Variants in RAB11FIP3 observed in about 807,000 individuals in gnomAD.
The protein encoded by RAB11FIP3 is rab11 family-interacting protein 3.
RAB11FIP3 carries 17 observed loss-of-function variants against 77.8 expected under a neutral mutation model. That is an observed-to-expected ratio of 0.22 (90% confidence interval 0.15 to 0.33). RAB11FIP3 has a LOEUF of 0.33. Among genes scored for constraint, RAB11FIP3 ranks in the 10% least tolerant of loss-of-function variants. The pLI is 1.00. For missense variants in RAB11FIP3, 1,005 were observed against 1,011.2 expected, an observed-to-expected ratio of 0.99 and a Z score of 0.08; for synonymous variants, 437 against 448.2, an observed-to-expected ratio of 0.98 and a Z score of 0.31.
chr16:443,122 G>A (rs1157621884), intron 1 of RAB11FIP3, among the ~76,000 whole-genome samples: 1 of 152,080 alleles, frequency 6.6e-6, no homozygotes, highest in Non-Finnish European at 1.5e-5. Context: ...CCAGCCCTGT[G>A]ATGCATTTTA....
chr16:492,286 C>T (rs968648463), intron 5 of RAB11FIP3, among the ~76,000 whole-genome samples: 3 of 149,926 alleles, frequency 2.0e-5, no homozygotes, highest in African/African-American at 5.0e-5. Context: ...TGGGGCCCGG[C>T]ACTGATGGCC....
Position 519,010 on chromosome 16 carries a change from G to C in RAB11FIP3, c.1708G>C (p.Glu570Gln). 1.2e-6 allele frequency: 2 copies of C among 1,613,410 alleles called. No individual in the cohort carries two copies. The highest frequency in any genetic ancestry group is 1.7e-6 in the Non-Finnish European group (2 of 1,180,012). ...CACGCCCTGTCTGAAGGCCAACATT[G>C]AGCGTCTGGAGGAGGTGAGCTGCCA... ...SCTPCLKANI[E>Q]RLEEEKQKLL... The change falls in exon 10 of 14, where the codon GAG (glutamate) becomes CAG (glutamine). Residue 570 changes from glutamate (E) to glutamine (Q), a missense_variant. Coordinates refer to ENST00000262305, the MANE Select transcript of RAB11FIP3 (RefSeq NM_014700.4).
chr16:475,917 T>G (rs1175862795), intron 3 of RAB11FIP3, among the ~76,000 whole-genome samples: 4 of 152,102 alleles, frequency 2.6e-5, no homozygotes, highest in African/African-American at 9.7e-5. Context: ...AGTGCAGTGG[T>G]GCGATCTTGG....
At chr16:444,844 G>A (rs185262661) in intron 1 of RAB11FIP3, among the ~76,000 whole-genome samples, 33 of 151,184 alleles carry the variant, frequency 2.2e-4, no homozygotes, top group African/African-American at 7.8e-4. Flanking sequence ...GCCTGGTGCG[G>A]TGGCTCACGC....
Position 484,908 on chromosome 16 carries a change from C to T in RAB11FIP3, c.1115+2172C>T, listed in dbSNP as rs966295316. Among the ~76,000 whole-genome samples the T allele has an allele frequency of 5.9e-5, 9 of 152,106 alleles. No individual in the cohort carries two copies. The East Asian group carries it at 1.2e-3, about 20-fold the overall frequency. On this transcript the variant is annotated intron_variant, in intron 4 of 13. Transcript: ENST00000262305. ...CAGGGGCTGCAGGGTCACCAGCCTC[C>T]GGCATCTGTGGCTCCTGGGCTCCCT...
At chr16:439,212 A>C (rs114192489) in intron 1 of RAB11FIP3, 10 of 152,242 alleles carry the variant, frequency 6.6e-5, no homozygotes, top group Admixed American at 6.6e-4. Context: ...ATTAGGGAGG[A>C]AAATAAATTC....
At chr16:492,364 C>T (rs1567391789) in intron 5 of RAB11FIP3, among the ~76,000 whole-genome samples, 1 of 145,342 alleles carries the variant, frequency 6.9e-6, no homozygotes, top group African/African-American at 2.5e-5. Context: ...AGAGGGTCTT[C>T]CCGGGAGACC....
chr16:484,077 T>C (rs1487768720), intron 4 of RAB11FIP3, among the ~76,000 whole-genome samples: 1 of 152,158 alleles, frequency 6.6e-6, no homozygotes, highest in Non-Finnish European at 1.5e-5. Context: ...AATAAACCTC[T>C]TCAAATATTT....
chr16:508,729 T>C (rs2031991845), intron 8 of RAB11FIP3, among the ~76,000 whole-genome samples: 1 of 152,212 alleles, frequency 6.6e-6, no homozygotes, highest in Non-Finnish European at 1.5e-5. Flanking sequence ...GGAAGACTTC[T>C]GAAGTTATTT....
chr16:462,207 A>G (rs2055618976), intron 2 of RAB11FIP3, among the ~76,000 whole-genome samples: 5 of 151,954 alleles, frequency 3.3e-5, no homozygotes, highest in Admixed American at 3.3e-4. Flanking sequence ...GTCACCATGG[A>G]TTAGTTTTGC....
chr16:459,387 A>G (rs1596223647), intron 1 of RAB11FIP3, among the ~76,000 whole-genome samples: 1 of 151,284 alleles, frequency 6.6e-6, no homozygotes. Context: ...CAGCCTCCCA[A>G]AGTGCTGGGA....
intron 2 of RAB11FIP3, among the ~76,000 whole-genome samples, chr16:462,629 C>CGAT (rs71139785): frequency 2.8e-4 from 40 of 144,906 alleles, no homozygotes; most frequent in African/African-American, 9.3e-4. Flanking sequence ...TTCCCCAGCA[C>CGAT]CATCCCTTCC....
chr16:486,987 C>G (rs2056167495), intron 4 of RAB11FIP3, among the ~76,000 whole-genome samples: 1 of 152,160 alleles, frequency 6.6e-6, no homozygotes, highest in Non-Finnish European at 1.5e-5. Context: ...TGTAACGTAG[C>G]CTAATTTTAG....
rs1389061656 is a variant in RAB11FIP3, at chr16:521,173, A to G, written c.*334A>G. 2 of 375,262 alleles carry G rather than the reference A, an allele frequency of 5.3e-6. No homozygotes were observed. The highest frequency in any genetic ancestry group is 1.0e-4 in the East Asian group (2 of 19,390). The allele number at this position is 375,262 out of a possible 1,614,324, so 23.2% of individuals were successfully genotyped here. ...GCCATGAACGCGTACACTTCAGTTC[A>G]GCAGGATGGGCTGGAGAGCCTCTCT... On this transcript the variant is annotated 3_prime_UTR_variant, in exon 14 of 14. Coordinates refer to ENST00000262305, the MANE Select transcript of RAB11FIP3 (RefSeq NM_014700.4).
intron 6 of RAB11FIP3, among the ~76,000 whole-genome samples, chr16:501,239 GC>G (rs2141849299): frequency 6.6e-6 from 1 of 152,388 alleles, no homozygotes; most frequent in Non-Finnish European, 1.5e-5. Flanking sequence ...CCCTAGCCAA[GC>G]TGTTTGTATG....
At chr16:442,742 A>G (rs2141864242) in intron 1 of RAB11FIP3, among the ~76,000 whole-genome samples, 1 of 152,296 alleles carries the variant, frequency 6.6e-6, no homozygotes, top group East Asian at 1.9e-4. Flanking sequence ...CTGTTGCTTT[A>G]GCAGGCGGCC....
In RAB11FIP3 at chr16:471,905, G is replaced by A. The variant is rs187440581; in HGVS notation, c.903+516G>A. On this transcript the variant is annotated intron_variant, in intron 3 of 13. Transcript: ENST00000262305. The surrounding 1 kb of genome is among the most constrained non-coding windows in gnomAD (Gnocchi z 4.4). ...AGGGTCTTCGAGCACAGCCGTGGTC[G>A]ACAGAGCGTAACCATGTCCGCCGGT... Among the ~76,000 whole-genome samples, 5 of 152,116 alleles carry A rather than the reference G, an allele frequency of 3.3e-5. No individual in the cohort carries two copies. The highest frequency in any genetic ancestry group is 5.9e-5 in the Non-Finnish European group (4 of 68,030).
At chr16:510,349 G>A (rs550927337) in intron 8 of RAB11FIP3, 34 of 314,952 alleles carry the variant, frequency 1.1e-4, no homozygotes, top group South Asian at 1.0e-3. Context: ...GTTACCTGGC[G>A]GGCTCAGGCC....
chr16:441,898 G>A (rs1171968978), intron 1 of RAB11FIP3, among the ~76,000 whole-genome samples: 2 of 152,210 alleles, frequency 1.3e-5, no homozygotes, highest in African/African-American at 2.4e-5. Context: ...GAGTGCAGTG[G>A]CACCATGTTG....
Sources: allele counts gnomAD v4.1 joint callset (sites outside exome capture counted in the v4.1 genomes callset), GRCh38; gene constraint gnomAD v4.1.1; non-coding constraint Gnocchi (gnomAD v3.1); transcripts MANE v1.5; gene names NCBI Gene and HGNC (gene_info 2026-07-23, HGNC 2026-07-21).